Variants in RPTOR observed in about 807,000 individuals in gnomAD.
RPTOR encodes the protein regulatory-associated protein of mTOR.
A neutral mutation model predicts 169.9 loss-of-function variants in RPTOR; 21 were observed. The ratio of observed to expected loss-of-function variants is 0.12; its 90% CI spans 0.09 to 0.18. The LOEUF is 0.18. Among genes scored for constraint, RPTOR ranks in the 10% least tolerant of loss-of-function variants. The pLI is 1.00. For synonymous variants in RPTOR, 732 were observed against 753.2 expected, an observed-to-expected ratio of 0.97 and a Z score of 0.46; for missense variants, 1,133 against 1,855.9, an observed-to-expected ratio of 0.61 and a Z score of 7.16.
intron 10 of RPTOR, among the ~76,000 whole-genome samples, chr17:80,838,266 C>T (rs1219649237): frequency 1.3e-5 from 2 of 152,210 alleles, no homozygotes; most frequent in African/African-American, 4.8e-5. Flanking sequence ...GGACTCACTC[C>T]CTGTGAGTGG....
chr17:80,596,223 T>A (rs2065143682), intron 1 of RPTOR, among the ~76,000 whole-genome samples: 2 of 152,232 alleles, frequency 1.3e-5, no homozygotes, highest in Non-Finnish European at 2.9e-5. Flanking sequence ...TTTTCCTGGT[T>A]GAGATTGGAA....
chr17:80,858,878 AG>A (rs1450246763), intron 13 of RPTOR, among the ~76,000 whole-genome samples: 1 of 152,206 alleles, frequency 6.6e-6, no homozygotes, highest in Middle Eastern at 3.2e-3. Context: ...TTCATTTAGC[AG>A]GCATGGGGAT....
Position 80,964,807 on chromosome 17 carries a change from C to T in RPTOR, c.*477C>T, listed in dbSNP as rs912411799. The T allele has an allele frequency of 1.2e-5, 3 of 241,332 alleles. No individual in the cohort carries two copies. The highest frequency in any genetic ancestry group is 1.6e-5 in the Non-Finnish European group (2 of 122,886). The allele number at this position is 241,332 out of a possible 1,614,324, so 14.9% of individuals were successfully genotyped here. A position where few individuals can be genotyped will look rare whatever the true frequency, so the allele number is the denominator to read the frequency against. On this transcript the variant is annotated 3_prime_UTR_variant, in exon 34 of 34. Transcript: ENST00000306801. ...GAGGCGCTGCCCCAGCCAGGCCCACCACCTCTCACAGTCAGTGCACGCAAG... is the reference window on the plus strand; with the variant it reads ...GAGGCGCTGCCCCAGCCAGGCCCACTACCTCTCACAGTCAGTGCACGCAAG...
chr17:80,931,323 G>A (rs546353743), intron 24 of RPTOR, among the ~76,000 whole-genome samples: 8 of 152,334 alleles, frequency 5.3e-5, no homozygotes, highest in South Asian at 4.1e-4. Flanking sequence ...AAGGAGAGCC[G>A]GACCATGAGC....
chr17:80,945,205 G>A (rs1446854769), intron 25 of RPTOR, among the ~76,000 whole-genome samples: 1 of 152,064 alleles, frequency 6.6e-6, no homozygotes, highest in Non-Finnish European at 1.5e-5. Context: ...TGAGGCGGGA[G>A]GATCACTTGA....
At chr17:80,864,181 G>A (rs1283347836) in intron 13 of RPTOR, among the ~76,000 whole-genome samples, 1 of 152,130 alleles carries the variant, frequency 6.6e-6, no homozygotes, top group Non-Finnish European at 1.5e-5. Flanking sequence ...ACTACACGAA[G>A]GCATATCGCA....
chr17:80,572,603 C>T (rs752643692), intron 1 of RPTOR, among the ~76,000 whole-genome samples: 12 of 152,050 alleles, frequency 7.9e-5, no homozygotes. Context: ...TGCACACCTG[C>T]AGTCTCAGCT....
rs771804777 is a variant in RPTOR, at chr17:80,940,579, G to A, written c.3003G>A (p.Gln1001=). The change falls in exon 25 of 34, where the codon CAG becomes CAA. Residue 1001 remains glutamine (Q), a synonymous_variant. Coordinates refer to ENST00000306801, the MANE Select transcript of RPTOR (RefSeq NM_020761.3). ...TGCGAAACAGCCGTGTCAGGAGGCA[G>A]GCCCAGCAAGTCATTCAGAAGGGTA... ...RFLRNSRVRR[Q]AQQVIQKGIT... The A allele has an allele frequency of 1.9e-5, 30 of 1,611,896 alleles. 1 individual carries two copies. In the South Asian group the frequency reaches 3.1e-4, roughly 17 times the overall value.
intron 1 of RPTOR, among the ~76,000 whole-genome samples, chr17:80,565,805 C>G (rs2084579411): frequency 6.6e-6 from 1 of 152,240 alleles, no homozygotes; most frequent in African/African-American, 2.4e-5. Flanking sequence ...TATTTTGTTA[C>G]AGTTGAGTAA....
chr17:80,557,400 C>T (rs1599546455), intron 1 of RPTOR, among the ~76,000 whole-genome samples: 2 of 147,158 alleles, frequency 1.4e-5, no homozygotes, highest in Admixed American at 1.4e-4. Flanking sequence ...GCCTGTTATC[C>T]CAGCTACTTG....
At chr17:80,639,687 C>T (rs1479138300) in intron 2 of RPTOR, among the ~76,000 whole-genome samples, 1 of 152,204 alleles carries the variant, frequency 6.6e-6, no homozygotes, top group Admixed American at 6.5e-5. Context: ...CCTGGGGCAC[C>T]ACTCTTTGGG....
At chr17:80,787,237 T>TA (rs1044523000) in intron 6 of RPTOR, among the ~76,000 whole-genome samples, 4 of 152,200 alleles carry the variant, frequency 2.6e-5, no homozygotes, top group African/African-American at 9.7e-5. Flanking sequence ...AGGACTCTTT[T>TA]AAAAAAATAC....
intron 21 of RPTOR, among the ~76,000 whole-genome samples, chr17:80,915,940 C>T (rs1017209098): frequency 8.5e-5 from 13 of 152,180 alleles, no homozygotes; most frequent in Non-Finnish European, 5.9e-5. Flanking sequence ...GAGAGCAGAA[C>T]ACTTATCAGG....
At chr17:80,718,569 AG>A (rs1324224980) in intron 4 of RPTOR, among the ~76,000 whole-genome samples, 1 of 152,138 alleles carries the variant, frequency 6.6e-6, no homozygotes, top group African/African-American at 2.4e-5. Flanking sequence ...GCAAGGTTGG[AG>A]GGGGCCTCCT....
chr17:80,829,248 A>T (rs2067476974), intron 9 of RPTOR, among the ~76,000 whole-genome samples: 4 of 152,210 alleles, frequency 2.6e-5, no homozygotes. Context: ...GAGGAGAATC[A>T]TGACTGGTAG....
At position 80,920,685 on chromosome 17, in the gene RPTOR, G is replaced by A. The variant is rs542530953; in HGVS notation, c.2521-2039G>A. On this transcript the variant is annotated intron_variant, in intron 21 of 33. Coordinates refer to ENST00000306801, the MANE Select transcript of RPTOR (RefSeq NM_020761.3). ...CAGGGCTCCTGAGTCACCGGCCCCA[G>A]CCCAGCAGCGCCTGAGCCTTTGTGC... Among the ~76,000 whole-genome samples the A allele has an allele frequency of 2.0e-5, 3 of 152,376 alleles. No homozygotes were observed. The East Asian group carries it at 5.8e-4, about 29-fold the overall frequency.
At chr17:80,799,286 G>T (rs1567917515) in intron 7 of RPTOR, among the ~76,000 whole-genome samples, 1 of 152,202 alleles carries the variant, frequency 6.6e-6, no homozygotes, top group African/African-American at 2.4e-5. Flanking sequence ...TAGACCGGGG[G>T]CGTGGAAACC....
At chr17:80,822,545 G>C (rs146882917) in intron 8 of RPTOR, among the ~76,000 whole-genome samples, 1 of 152,326 alleles carries the variant, frequency 6.6e-6, no homozygotes, top group South Asian at 2.1e-4. Flanking sequence ...GGCCCTGACC[G>C]GTGCACAGCC....
At chr17:80,758,954 A>C (rs1417482006) in intron 6 of RPTOR, among the ~76,000 whole-genome samples, 1 of 151,222 alleles carries the variant, frequency 6.6e-6, no homozygotes, top group African/African-American at 2.4e-5. Flanking sequence ...GCTACCTGTC[A>C]CTAAACCCAG....
Sources: gnomAD v4.1 joint callset for allele counts (sites outside exome capture counted in the v4.1 genomes callset) on GRCh38, gnomAD v4.1.1 for gene constraint, MANE v1.5 for transcripts, NCBI Gene and HGNC (gene_info 2026-07-23, HGNC 2026-07-21) for gene names.